EPM2A: variants seen among roughly 807,000 people sequenced by gnomAD.
EPM2A encodes the protein EPM2A glucan phosphatase, laforin, also known as laforin.
EPM2A carries 21 observed loss-of-function variants against 26.5 expected under a neutral mutation model. The ratio of observed to expected loss-of-function variants is 0.79; its 90% confidence interval spans 0.56 to 1.14. The LOEUF is 1.14. Ranked by LOEUF, EPM2A falls within the 50% of genes most tolerant of loss-of-function variation. EPM2A has a pLI of 0.00. For missense variants in EPM2A, 458 were observed against 440.8 expected (o/e 1.04, Z -0.35); for synonymous variants, 217 against 177.6 (o/e 1.22, Z -1.76).
intron 1 of EPM2A, among the ~76,000 whole-genome samples, chr6:145,694,815 A>G (rs1341417845): frequency 6.6e-6 from 1 of 152,018 alleles, no homozygotes; most frequent in Non-Finnish European, 1.5e-5. Flanking sequence ...ACAACCTACC[A>G]CATTCACAAA....
rs780264707 is a variant in EPM2A at position 145,575,372 on chromosome 6, C to T, written c.340+59873G>A. Reference sequence around the variant, plus strand: ...CCTCATTTTAACAGTAGACACCTGGCGAGGCAGTGCACACACCTTTTGTTG... The same window carrying T: ...CCTCATTTTAACAGTAGACACCTGGTGAGGCAGTGCACACACCTTTTGTTG... On this transcript the variant is annotated intron_variant, in intron 2 of 3. Transcript: ENST00000450221. Among the ~76,000 whole-genome samples, 15 of 152,242 alleles carry T rather than the reference C, an allele frequency of 9.9e-5. No homozygotes were observed. In the East Asian group the frequency reaches 1.7e-3, roughly 18 times the overall value.
At chr6:145,535,174 C>T (rs1395941624) in intron 2 of EPM2A, among the ~76,000 whole-genome samples, 2 of 152,184 alleles carry the variant, frequency 1.3e-5, no homozygotes, top group Non-Finnish European at 2.9e-5. Context: ...TCATGAGACA[C>T]GCAGCATTAA....
chr6:145,427,807 T>G (rs1770184362), intron 4 of EPM2A, among the ~76,000 whole-genome samples: 1 of 152,210 alleles, frequency 6.6e-6, no homozygotes, highest in Non-Finnish European at 1.5e-5. Context: ...TTATTAAATA[T>G]TCATGCCTAC....
At position 145,625,586 on chromosome 6, in the gene EPM2A, T is replaced by C; in HGVS notation, c.*1830A>G. 1 of 703,194 alleles carries C rather than the reference T, an allele frequency of 1.4e-6. No homozygotes were observed. The highest frequency in any genetic ancestry group is 2.7e-6 in the Non-Finnish European group (1 of 377,152). 43.6% of individuals were successfully genotyped at this position (703,194 alleles called of 1,614,324 possible). ...AAGATTAAATTTTCACAACACATTA[T>C]GACTGTAAATGAGTTACCTGAATAC... On this transcript the variant is annotated 3_prime_UTR_variant, in exon 4 of 4. Transcript: ENST00000367519.
intron 4 of EPM2A, among the ~76,000 whole-genome samples, chr6:145,454,297 A>T (rs748026469): frequency 6.6e-5 from 10 of 152,150 alleles, no homozygotes; most frequent in Admixed American, 1.3e-4. Flanking sequence ...GCATTCCTGA[A>T]CTTTCATGAA....
chr6:145,644,708 C>T, intron 2 of EPM2A, among the ~76,000 whole-genome samples: 1 of 151,706 alleles, frequency 6.6e-6, no homozygotes, highest in Non-Finnish European at 1.5e-5. Context: ...TTGATGCTTC[C>T]CAAATCCCTG....
chr6:145,509,458 C>G (rs451699), intron 2 of EPM2A, among the ~76,000 whole-genome samples: 54,403 of 151,972 alleles, frequency 0.36, 10,303 homozygotes, highest in South Asian at 0.51. Context: ...GAAAAGAAAT[C>G]CCAGTCAAGA....
At chr6:145,529,159 T>G (rs1266755506) in intron 2 of EPM2A, among the ~76,000 whole-genome samples, 2 of 152,138 alleles carry the variant, frequency 1.3e-5, no homozygotes, top group African/African-American at 4.8e-5. Flanking sequence ...CTACTCCTGG[T>G]GGAAATGCTA....
chr6:145,680,631 A>T (rs972876287), intron 2 of EPM2A, among the ~76,000 whole-genome samples: 1 of 149,484 alleles, frequency 6.7e-6, no homozygotes, highest in African/African-American at 2.4e-5. Flanking sequence ...TATGAGTGAG[A>T]ACATGTGGTG....
intron 4 of EPM2A, among the ~76,000 whole-genome samples, chr6:145,484,198 AACT>A (rs1216030620): frequency 6.6e-6 from 1 of 152,112 alleles, no homozygotes; most frequent in Non-Finnish European, 1.5e-5. Flanking sequence ...GGATGCAGAC[AACT>A]GTGTTTAGGT....
chr6:145,675,079 C>T (rs181012798), intron 2 of EPM2A, among the ~76,000 whole-genome samples: 1 of 152,314 alleles, frequency 6.6e-6, no homozygotes, highest in East Asian at 1.9e-4. Context: ...AGACTAACAG[C>T]AGATCTCTCT....
At chr6:145,697,037 C>T (rs1781631385) in intron 1 of EPM2A, among the ~76,000 whole-genome samples, 1 of 152,006 alleles carries the variant, frequency 6.6e-6, no homozygotes. Flanking sequence ...GGGCTCATAA[C>T]TTGGTGCATA....
intron 2 of EPM2A, among the ~76,000 whole-genome samples, chr6:145,517,217 A>G (rs1780140246): frequency 6.6e-6 from 1 of 152,198 alleles, no homozygotes; most frequent in South Asian, 2.1e-4. Context: ...TTGTTTTTCA[A>G]CATGTATGAA....
intron 1 of EPM2A, among the ~76,000 whole-genome samples, chr6:145,695,620 G>C (rs533095734): frequency 6.6e-6 from 1 of 151,994 alleles, no homozygotes; most frequent in Non-Finnish European, 1.5e-5. Context: ...CATGCAAATG[G>C]AAGCCAAAAG....
intron 1 of EPM2A, among the ~76,000 whole-genome samples, chr6:145,714,744 G>C (rs1486375426): frequency 6.6e-6 from 1 of 152,130 alleles, no homozygotes; most frequent in African/African-American, 2.4e-5. Context: ...TCTTGTGCAG[G>C]GAAACTCCAC....
intron 1 of EPM2A, among the ~76,000 whole-genome samples, chr6:145,733,228 AT>A (rs1776595663): frequency 6.6e-6 from 1 of 152,220 alleles, no homozygotes; most frequent in African/African-American, 2.4e-5. Flanking sequence ...TCAACAGTCA[AT>A]TTTTAATACA....
At chr6:145,523,400 A>C (rs866190662) in intron 2 of EPM2A, among the ~76,000 whole-genome samples, 1 of 152,182 alleles carries the variant, frequency 6.6e-6, no homozygotes, top group Non-Finnish European at 1.5e-5. Context: ...AAAGTTTATC[A>C]GCACCATTTT....
chr6:145,454,650 ATTC>A (rs1779237364), intron 4 of EPM2A, among the ~76,000 whole-genome samples: 2 of 152,288 alleles, frequency 1.3e-5, no homozygotes, highest in East Asian at 1.9e-4. Flanking sequence ...GGAGAGAAAA[ATTC>A]TTCTTTGATT....
intron 4 of EPM2A, among the ~76,000 whole-genome samples, chr6:145,431,235 A>C (rs1778918301): frequency 6.6e-6 from 1 of 152,206 alleles, no homozygotes; most frequent in Admixed American, 6.5e-5. Flanking sequence ...AACAGAATAC[A>C]CTAGAGTCCT....
Sources: allele counts gnomAD v4.1 joint callset (sites outside exome capture counted in the v4.1 genomes callset), GRCh38; gene constraint gnomAD v4.1.1; transcripts MANE v1.5; gene names NCBI Gene and HGNC (gene_info 2026-07-23, HGNC 2026-07-21).